The following TSC22D1 variants were observed in gnomAD, a reference collection of about 807,000 sequenced individuals.
TSC22D1 encodes TSC22 domain family protein 1.
Under a neutral mutation model 74.2 loss-of-function variants are expected in TSC22D1, and 9 were observed. The observed-to-expected ratio is 0.12, with a 90% CI of 0.07 to 0.21. The LOEUF (loss-of-function observed/expected upper bound fraction) is 0.21, where lower values mean the gene tolerates loss of function less well. Ranked by LOEUF, TSC22D1 falls within the 10% of genes least tolerant of loss-of-function variation. TSC22D1 has a pLI of 1.00. For missense variants in TSC22D1, 1,427 were observed against 1,304.7 expected (o/e 1.09, Z -1.44); for synonymous variants, 586 against 492.5 (o/e 1.19, Z -2.51).
chr13:44,568,002 T>G (rs558596716), intron 1 of TSC22D1, among the ~76,000 whole-genome samples: 2 of 152,090 alleles, frequency 1.3e-5, no homozygotes, highest in Non-Finnish European at 2.9e-5. Flanking sequence ...AAAAACAAAA[T>G]ACACAGGTCA....
intron 1 of TSC22D1, among the ~76,000 whole-genome samples, chr13:44,513,109 GCCCA>G (rs891506213): frequency 6.6e-6 from 1 of 152,148 alleles, no homozygotes; most frequent in Admixed American, 6.5e-5. Context: ...GGAAGGTCTT[GCCCA>G]TTCTCTAGGT....
At chr13:44,562,196 C>T (rs1261595759) in intron 1 of TSC22D1, among the ~76,000 whole-genome samples, 1 of 152,132 alleles carries the variant, frequency 6.6e-6, no homozygotes, top group Non-Finnish European at 1.5e-5. Flanking sequence ...TGCACGCCAC[C>T]ATGCCCAGCT....
At chr13:44,513,046 G>C (rs1879813323) in intron 1 of TSC22D1, among the ~76,000 whole-genome samples, 1 of 152,190 alleles carries the variant, frequency 6.6e-6, no homozygotes, top group South Asian at 2.1e-4. Flanking sequence ...CTCACCTCCA[G>C]TCCTAACTTT....
chr13:44,514,509 CAT>C (rs1337556262), intron 1 of TSC22D1, among the ~76,000 whole-genome samples: 1 of 151,978 alleles, frequency 6.6e-6, no homozygotes, highest in Non-Finnish European at 1.5e-5. Context: ...AAAACACACA[CAT>C]ACACACACAC....
intron 1 of TSC22D1, among the ~76,000 whole-genome samples, chr13:44,481,241 C>A (rs1878162900): frequency 6.6e-6 from 1 of 152,022 alleles, no homozygotes; most frequent in African/African-American, 2.4e-5. Context: ...TGAGACTTCG[C>A]AGTTAGGAAG....
intron 1 of TSC22D1, among the ~76,000 whole-genome samples, chr13:44,454,694 T>C (rs924587445): frequency 1.3e-5 from 2 of 152,232 alleles, no homozygotes; most frequent in South Asian, 4.1e-4. Flanking sequence ...ACGTTATGTA[T>C]ATTACCTCAT....
intron 1 of TSC22D1, among the ~76,000 whole-genome samples, chr13:44,439,668 C>T (rs1348778441): frequency 6.6e-6 from 1 of 152,202 alleles, no homozygotes; most frequent in African/African-American, 2.4e-5. Flanking sequence ...GGAGGTATCA[C>T]CTCAGTGGGA....
intron 1 of TSC22D1, among the ~76,000 whole-genome samples, chr13:44,551,991 C>T (rs376361150): frequency 1.1e-4 from 16 of 152,310 alleles, no homozygotes; most frequent in African/African-American, 3.6e-4. Flanking sequence ...CATTTACGAA[C>T]GACCAAGAAC....
chr13:44,436,687 T>G, intron 1 of TSC22D1: 1 of 1,546,468 alleles, frequency 6.5e-7, no homozygotes, highest in Non-Finnish European at 8.7e-7. Context: ...CAGCCTTGTA[T>G]AAGCTAGATA....
At chr13:44,561,196 T>A (rs1490236544) in intron 1 of TSC22D1, among the ~76,000 whole-genome samples, 3 of 152,130 alleles carry the variant, frequency 2.0e-5, no homozygotes, top group Non-Finnish European at 4.4e-5. Flanking sequence ...GGTCCTAACC[T>A]CCTTACTTTT....
chr13:44,517,766 T>TACATATATACAC (rs757726882), intron 1 of TSC22D1, among the ~76,000 whole-genome samples: 53,755 of 127,796 alleles, frequency 0.42, 12,762 homozygotes, highest in Non-Finnish European at 0.5. Context: ...TGTGTGTGTA[T>TACATATATACAC]ATATATATAT....
chr13:44,506,912 C>CA (rs1206431187), intron 1 of TSC22D1, among the ~76,000 whole-genome samples: 1 of 152,208 alleles, frequency 6.6e-6, no homozygotes, highest in Non-Finnish European at 1.5e-5. Flanking sequence ...AATGTGTACA[C>CA]AGTGCCTGCT....
chr13:44,499,904 T>C (rs543564606), intron 1 of TSC22D1, among the ~76,000 whole-genome samples: 36 of 151,908 alleles, frequency 2.4e-4, no homozygotes, highest in African/African-American at 8.7e-4. Flanking sequence ...CTGGCCTACA[T>C]GGTGAAACCC....
intron 1 of TSC22D1, among the ~76,000 whole-genome samples, chr13:44,498,122 A>G (rs1879057962): frequency 6.6e-6 from 1 of 152,106 alleles, no homozygotes. Context: ...TGTCTCCACA[A>G]AAATGTCTCT....
In TSC22D1 at chr13:44,573,428, T is replaced by A; in HGVS notation, c.2647A>T (p.Asn883Tyr). 1.2e-6 allele frequency: 2 copies of A among 1,614,280 alleles called. No individual in the cohort carries two copies. Among genetic ancestry groups the A allele is most frequent in the Non-Finnish European group, 1.7e-6 (2 of 1,180,056 alleles). The change falls in exon 1 of 3, where the codon AAT becomes TAT. Residue 883 changes from asparagine (N) to tyrosine (Y), a missense_variant. Around this residue, in one of 3 missense-constraint regions of TSC22D1, gnomAD observed 1,343 missense variants for 1,191.5 expected, o/e 1.13. Transcript: ENST00000458659. ...SQPPLIATNTNLPLAQQIPLS... is the reference protein window; with the variant it reads ...SQPPLIATNTYLPLAQQIPLS... The stretch of plus-strand genomic sequence containing the variant: ...GGTATCTGTTGTGCCAAAGGCAAAT[T>A]TGTATTAGTTGCTATCAAGGGAGGT...
At chr13:44,547,787 T>C (rs1181322193) in intron 1 of TSC22D1, among the ~76,000 whole-genome samples, 1 of 152,098 alleles carries the variant, frequency 6.6e-6, no homozygotes, top group African/African-American at 2.4e-5. Context: ...ATTATGCTTT[T>C]AAAAAAAGAG....
intron 1 of TSC22D1, among the ~76,000 whole-genome samples, chr13:44,522,621 C>A (rs1309762142): frequency 6.6e-6 from 1 of 152,180 alleles, no homozygotes; most frequent in African/African-American, 2.4e-5. Flanking sequence ...TGGTGCTGGA[C>A]AACCACATGC....
At chr13:44,472,390 C>T (rs972332686) in intron 1 of TSC22D1, among the ~76,000 whole-genome samples, 1 of 152,122 alleles carries the variant, frequency 6.6e-6, no homozygotes, top group Admixed American at 6.5e-5. Flanking sequence ...TATGAGACAG[C>T]ATGTTTTACT....
intron 1 of TSC22D1, among the ~76,000 whole-genome samples, chr13:44,526,612 CA>C (rs1379743605): frequency 4.6e-5 from 7 of 152,008 alleles, no homozygotes; most frequent in African/African-American, 1.7e-4. Flanking sequence ...ACTTAAGTCC[CA>C]GTAAGTCCAT....
Sources: gnomAD v4.1 joint callset for allele counts (sites outside exome capture counted in the v4.1 genomes callset) on GRCh38, gnomAD v4.1.1 for gene constraint, gnomAD v4.1.1 regional missense constraint, MANE v1.5 for transcripts, NCBI Gene and HGNC (gene_info 2026-07-23, HGNC 2026-07-21) for gene names.